The following FOXP2 variants were observed in gnomAD, a reference collection of about 807,000 sequenced individuals.
FOXP2 encodes the protein forkhead box protein P2.
Under a neutral mutation model 115.8 loss-of-function variants are expected in FOXP2, and 12 were observed. The ratio of observed to expected loss-of-function variants is 0.10; its 90% CI spans 0.07 to 0.17. FOXP2 has a LOEUF of 0.17. Among genes scored for constraint, FOXP2 ranks in the 10% least tolerant of loss-of-function variants. The pLI, the probability that FOXP2 is intolerant of heterozygous loss-of-function variation, is 1.00. For synonymous variants in FOXP2, 328 were observed against 297.7 expected, an observed-to-expected ratio of 1.10 and a Z score of -1.05; for missense variants, 629 against 843.5, an observed-to-expected ratio of 0.75 and a Z score of 3.15.
intron 2 of FOXP2, among the ~76,000 whole-genome samples, chr7:114,517,579 A>C (rs1798408654): frequency 6.6e-6 from 1 of 152,186 alleles, no homozygotes; most frequent in Non-Finnish European, 1.5e-5. Flanking sequence ...TTATGAAGAC[A>C]TTGCCTTTTC....
At position 114,626,391 on chromosome 7, in the gene FOXP2, T is replaced by C. The variant is rs553373954; in HGVS notation, c.259-2149T>C. Among the ~76,000 whole-genome samples the C allele has an allele frequency of 3.3e-5, 5 of 151,942 alleles. No homozygotes were observed. In the South Asian group the frequency reaches 6.2e-4, roughly 19 times the overall value. Reference sequence around the variant, plus strand: ...CTTTCCCCATAAAGTTCACTTATCATTATACATAAAGTATTTGTACTTGTA... The same window carrying C: ...CTTTCCCCATAAAGTTCACTTATCACTATACATAAAGTATTTGTACTTGTA... On this transcript the variant is annotated intron_variant, in intron 3 of 16. Coordinates refer to ENST00000350908, the MANE Select transcript of FOXP2 (RefSeq NM_014491.4).
chr7:114,180,640 A>G (rs1443334631), intron 1 of FOXP2, among the ~76,000 whole-genome samples: 1 of 151,988 alleles, frequency 6.6e-6, no homozygotes, highest in Admixed American at 6.6e-5. Context: ...GTTCTGTCTT[A>G]GTGAATAACA....
intron 2 of FOXP2, among the ~76,000 whole-genome samples, chr7:114,403,352 G>C (rs1445213741): frequency 2.0e-5 from 3 of 152,178 alleles, no homozygotes; most frequent in Non-Finnish European, 4.4e-5. Context: ...ATTGATATGA[G>C]ATTGTATAGT....
chr7:114,182,733 C>G (rs1235781910), intron 1 of FOXP2, among the ~76,000 whole-genome samples: 1 of 151,594 alleles, frequency 6.6e-6, no homozygotes, highest in Non-Finnish European at 1.5e-5. Flanking sequence ...AACATATACA[C>G]AAAAGATAAT....
intron 2 of FOXP2, among the ~76,000 whole-genome samples, chr7:114,394,316 T>C (rs937825457): frequency 1.5e-4 from 22 of 151,594 alleles, no homozygotes; most frequent in African/African-American, 5.3e-4. Flanking sequence ...TGAAAGTAAA[T>C]AACAAATAAT....
chr7:114,276,910 A>G (rs1202907582), intron 1 of FOXP2, among the ~76,000 whole-genome samples: 5 of 152,218 alleles, frequency 3.3e-5, no homozygotes, highest in African/African-American at 1.2e-4. Flanking sequence ...CTGTATCTCG[A>G]CATCTCAATA....
chr7:114,381,455 C>G (rs1792292181), intron 2 of FOXP2, among the ~76,000 whole-genome samples: 1 of 152,094 alleles, frequency 6.6e-6, no homozygotes, highest in Non-Finnish European at 1.5e-5. Context: ...TAATGCCTGG[C>G]CAAATAGATG....
intron 2 of FOXP2, chr7:114,499,159 T>C: frequency 4.2e-6 from 2 of 476,322 alleles, no homozygotes; most frequent in South Asian, 3.2e-5. Context: ...CTGCAACTTA[T>C]GAGGAATCAT....
chr7:114,351,972 G>A (rs1791501131), intron 2 of FOXP2, among the ~76,000 whole-genome samples: 1 of 151,988 alleles, frequency 6.6e-6, no homozygotes. Flanking sequence ...GAAATTTTCA[G>A]AAAACTGAGT....
chr7:114,230,704 A>G (rs1562826898), intron 1 of FOXP2, among the ~76,000 whole-genome samples: 1 of 151,940 alleles, frequency 6.6e-6, no homozygotes, highest in Admixed American at 6.6e-5. Flanking sequence ...GTGTGCAAGG[A>G]ATAGAGGGAA....
At chr7:114,556,874 T>C (rs571329174) in intron 3 of FOXP2, among the ~76,000 whole-genome samples, 147 of 152,328 alleles carry the variant, frequency 9.7e-4, no homozygotes, top group Middle Eastern at 6.8e-3. Context: ...GAGATTTCTA[T>C]TAAGAAAAAA....
At chr7:114,516,398 C>T (rs1312720891) in intron 2 of FOXP2, among the ~76,000 whole-genome samples, 1 of 152,038 alleles carries the variant, frequency 6.6e-6, no homozygotes, top group East Asian at 1.9e-4. Flanking sequence ...ACACCTTATA[C>T]AAAAATTAAT....
At chr7:114,112,510 G>A (rs1041345891) in intron 1 of FOXP2, among the ~76,000 whole-genome samples, 1 of 152,000 alleles carries the variant, frequency 6.6e-6, no homozygotes, top group African/African-American at 2.4e-5. Flanking sequence ...TGTTGCCCAG[G>A]CTGGTCTCAA....
At chr7:114,673,720 A>G (rs1308003527) in intron 16 of FOXP2, among the ~76,000 whole-genome samples, 1 of 151,428 alleles carries the variant, frequency 6.6e-6, no homozygotes, top group South Asian at 2.1e-4. Context: ...TTTTTTTGAG[A>G]TGGAGTTTTG....
At chr7:114,316,138 G>C (rs922857079) in intron 2 of FOXP2, among the ~76,000 whole-genome samples, 2 of 152,126 alleles carry the variant, frequency 1.3e-5, no homozygotes, top group African/African-American at 4.8e-5. Context: ...CTGGGTGTGT[G>C]CATGTCAGGC....
At chr7:114,362,634 C>T (rs980656502) in intron 2 of FOXP2, among the ~76,000 whole-genome samples, 1 of 151,908 alleles carries the variant, frequency 6.6e-6, no homozygotes, top group Non-Finnish European at 1.5e-5. Flanking sequence ...CCATATTGGT[C>T]TAGTGGTTTT....
At chr7:114,473,405 C>A (rs1018277932) in intron 2 of FOXP2, among the ~76,000 whole-genome samples, 25 of 152,212 alleles carry the variant, frequency 1.6e-4, no homozygotes, top group African/African-American at 5.8e-4. Context: ...ACTGTAGAGG[C>A]CATAGTAGGC....
At chr7:114,390,252 A>T (rs1181140044) in intron 2 of FOXP2, among the ~76,000 whole-genome samples, 1 of 152,106 alleles carries the variant, frequency 6.6e-6, no homozygotes, top group African/African-American at 2.4e-5. Flanking sequence ...ATGAAATATA[A>T]CAAAATGTAT....
chr7:114,626,145 T>C (rs997794215), intron 3 of FOXP2, among the ~76,000 whole-genome samples: 2 of 151,838 alleles, frequency 1.3e-5, no homozygotes, highest in African/African-American at 4.8e-5. Flanking sequence ...AACTATTAAT[T>C]GAAAGGCACT....
Sources: allele counts gnomAD v4.1 joint callset (sites outside exome capture counted in the v4.1 genomes callset), GRCh38; gene constraint gnomAD v4.1.1; transcripts MANE v1.5; gene names NCBI Gene and HGNC (gene_info 2026-07-23, HGNC 2026-07-21).